The following GALNT9 variants were observed in gnomAD, a reference collection of about 807,000 sequenced individuals.
The protein encoded by GALNT9 is polypeptide N-acetylgalactosaminyltransferase 9.
In GALNT9, 47 loss-of-function variants were observed where a neutral mutation model predicts 63.1. The observed-to-expected ratio is 0.75, with a 90% CI of 0.59 to 0.95. The LOEUF (loss-of-function observed/expected upper bound fraction) is 0.95, where lower values mean the gene tolerates loss of function less well. Ranked by LOEUF, GALNT9 falls within the 40% of genes least tolerant of loss-of-function variation. The pLI is 0.00. For missense variants in GALNT9, 829 were observed against 874.8 expected (o/e 0.95, Z 0.66); for synonymous variants, 396 against 365.7 (o/e 1.08, Z -0.94).
chr12:132,238,313 G>A lies in GALNT9; in HGVS notation c.1077+9597C>T, dbSNP rs1356582240. On this transcript the variant is annotated intron_variant, in intron 6 of 10. Coordinates refer to ENST00000328957, the MANE Select transcript of GALNT9 (RefSeq NM_001122636.2). The surrounding 1 kb of genome is among the most constrained non-coding windows in gnomAD (Gnocchi z 6.5). The stretch of plus-strand genomic sequence containing the variant: ...GACTCCCCTTTGCAGGTAGCTCTGG[G>A]GTCACTGGCGAGGGGGACAGAGCTG... Among the ~76,000 whole-genome samples the A allele has an allele frequency of 6.6e-6, 1 of 152,036 alleles. No homozygotes were observed. Among genetic ancestry groups the A allele is most frequent in the African/African-American group, 2.4e-5 (1 of 41,376 alleles).
chr12:132,300,635 T>C (rs1881258896), intron 1 of GALNT9, among the ~76,000 whole-genome samples: 1 of 138,426 alleles, frequency 7.2e-6, no homozygotes, highest in African/African-American at 2.9e-5. Flanking sequence ...ACTAACCCAC[T>C]CCCACCACAC....
In GALNT9 at chr12:132,215,078, G is replaced by A. The variant is rs1015050865; in HGVS notation, c.1078-11388C>T. On this transcript the variant is annotated intron_variant, in intron 6 of 10. Transcript: ENST00000328957. ...CCTCACCTGCCACGCTGTCCTGCCC[G>A]TTTAAGGGCGTTTGGGAGGAAACGC... 8.5e-5 allele frequency among the ~76,000 whole-genome samples: 13 copies of A among 152,216 alleles called. No homozygotes were observed. In the East Asian group the frequency reaches 1.5e-3, roughly 18 times the overall value.
chr12:132,297,427 A>G (rs147243707), intron 1 of GALNT9, among the ~76,000 whole-genome samples: 25 of 151,198 alleles, frequency 1.7e-4, no homozygotes, highest in African/African-American at 6.1e-4. Context: ...CTCACTCCTG[A>G]GACAATAAAG....
chr12:132,210,675 C>A, intron 6 of GALNT9, among the ~76,000 whole-genome samples: 1 of 152,220 alleles, frequency 6.6e-6, no homozygotes, highest in East Asian at 1.9e-4. Context: ...CTGGCATGGG[C>A]AGGCTGTGCT....
intron 1 of GALNT9, among the ~76,000 whole-genome samples, chr12:132,308,059 C>T: frequency 6.6e-6 from 1 of 151,782 alleles, no homozygotes; most frequent in East Asian, 1.9e-4. Context: ...CAAAAAAACA[C>T]ACAAACAAGA....
At chr12:132,313,273 T>C (rs1405836469) in intron 1 of GALNT9, among the ~76,000 whole-genome samples, 29 of 99,804 alleles carry the variant, frequency 2.9e-4, no homozygotes, top group South Asian at 4.0e-4. Flanking sequence ...ACCCACCCAT[T>C]CATCTCTCCA....
At chr12:132,283,973 C>T (rs1276110263) in intron 2 of GALNT9, 1 of 152,212 alleles carries the variant, frequency 6.6e-6, no homozygotes, top group South Asian at 2.1e-4. Context: ...GGCTCACAGC[C>T]AAGAACGGTG....
At chr12:132,257,568 C>A (rs974222854) in intron 5 of GALNT9, 121 bp downstream of exon 5, 11 of 625,072 alleles carry the variant, frequency 1.8e-5, no homozygotes, top group Non-Finnish European at 2.7e-5. Flanking sequence ...CTCGTCCCCA[C>A]GCCCTCGTCC....
chr12:132,226,291 A>G (rs1422609624), intron 6 of GALNT9, among the ~76,000 whole-genome samples: 1 of 148,916 alleles, frequency 6.7e-6, no homozygotes. Flanking sequence ...CATACACCTC[A>G]TACACACCAT....
At chr12:132,203,187 C>T (rs565349099) in intron 7 of GALNT9, among the ~76,000 whole-genome samples, 13 of 152,302 alleles carry the variant, frequency 8.5e-5, no homozygotes, top group Non-Finnish European at 1.5e-4. Context: ...GCTGAGGCGG[C>T]GGCACCAGGT....
chr12:132,200,318 C>G (rs1332541579), intron 8 of GALNT9: 1 of 152,254 alleles, frequency 6.6e-6, no homozygotes, highest in East Asian at 1.9e-4. Context: ...AGAAGAGCAG[C>G]ACCTTCTCGC....
intron 6 of GALNT9, among the ~76,000 whole-genome samples, chr12:132,243,338 G>C (rs371094354): frequency 9.0e-6 from 1 of 110,720 alleles, no homozygotes; most frequent in Non-Finnish European, 1.9e-5. Flanking sequence ...CCCTTCCCGG[G>C]GGGCCATCAG....
chr12:132,211,553 C>T (rs541154368), intron 6 of GALNT9, among the ~76,000 whole-genome samples: 123 of 152,246 alleles, frequency 8.1e-4, no homozygotes, highest in African/African-American at 2.7e-3. Flanking sequence ...GCCGTGTATC[C>T]GCAGTCTTAC....
chr12:132,325,496 C>A (rs1247790410), intron 1 of GALNT9, among the ~76,000 whole-genome samples: 4 of 152,186 alleles, frequency 2.6e-5, no homozygotes, highest in African/African-American at 9.7e-5. Flanking sequence ...GGGCCGTGGG[C>A]AGGATGAGCG....
rs1190359207 is a variant in GALNT9 at position 132,282,586 on chromosome 12, C to G, written c.419+3664G>C. Reference sequence around the variant, plus strand: ...AGGGACCCTGGAAGCTCCAAGCTCTCCCCTCTTGATGATAAGGTTGCTGCA... The same window carrying G: ...AGGGACCCTGGAAGCTCCAAGCTCTGCCCTCTTGATGATAAGGTTGCTGCA... On this transcript the variant is annotated intron_variant, in intron 2 of 10. Transcript: ENST00000328957. This position sits in a 1 kb window ranked among gnomAD's most constrained non-coding sequence, Gnocchi z 4.5. 3.3e-5 allele frequency among the ~76,000 whole-genome samples: 5 copies of G among 152,060 alleles called. No homozygotes were observed. Among genetic ancestry groups the G allele is most frequent in the Admixed American group, 2.0e-4 (3 of 15,272 alleles).
intron 1 of GALNT9, among the ~76,000 whole-genome samples, chr12:132,303,678 G>T (rs1449263275): frequency 1.5e-4 from 2 of 12,964 alleles, no homozygotes; most frequent in Non-Finnish European, 3.1e-4. Context: ...CCCGGGCACA[G>T]CCTCACCCGG....
At position 132,310,431 on chromosome 12, in the gene GALNT9, C is replaced by A. The variant is rs1320489487; in HGVS notation, c.238+18535G>T. On this transcript the variant is annotated intron_variant, in intron 1 of 10. Transcript: ENST00000328957. This position sits in a 1 kb window ranked among gnomAD's most constrained non-coding sequence, Gnocchi z 4.8. ...GGTCAGGCTGCCTCCCACCCAACAG[C>A]CCCACCCAGAAGGACGGGGCCGGCC... 6.6e-6 allele frequency among the ~76,000 whole-genome samples: 1 copy of A among 152,208 alleles called. No individual in the cohort carries two copies. The highest frequency in any genetic ancestry group is 1.5e-5 in the Non-Finnish European group (1 of 68,040).
At chr12:132,197,328 C>T in intron 10 of GALNT9, 75 bp from the exon 11 acceptor site, 2 of 1,569,568 alleles carry the variant, frequency 1.3e-6, no homozygotes, top group Non-Finnish European at 1.7e-6. Context: ...AGGGAGGCTG[C>T]TTCGTGCTCT....
At position 132,258,162 on chromosome 12, in the gene GALNT9, A is replaced by G. The variant is rs149323551; in HGVS notation, c.762-276T>C. Among the ~76,000 whole-genome samples, 1,419 of 152,262 alleles carry G rather than the reference A, an allele frequency of 9.3e-3. 26 individuals carry two copies. Among genetic ancestry groups the G allele is most frequent in the African/African-American group, 0.032 (1,342 of 41,550 alleles). On this transcript the variant is annotated intron_variant, in intron 4 of 10. Transcript: ENST00000328957. ...ACACCGGCCACGTTGGCCCAACTGC[A>G]GTATCTCTGAAGGGCTGCCCAGGGG...
Sources: gnomAD v4.1 joint callset for allele counts (sites outside exome capture counted in the v4.1 genomes callset) on GRCh38, gnomAD v4.1.1 for gene constraint, Gnocchi (gnomAD v3.1) non-coding constraint, MANE v1.5 for transcripts, NCBI Gene and HGNC (gene_info 2026-07-23, HGNC 2026-07-21) for gene names.